The following SEC24A variants were observed in gnomAD, a reference collection of about 807,000 sequenced individuals.
SEC24A encodes the protein protein transport protein Sec24A.
In SEC24A, 93 loss-of-function variants were observed where a neutral mutation model predicts 129.4. That is an observed-to-expected ratio of 0.72 (90% CI 0.61 to 0.85). The LOEUF (loss-of-function observed/expected upper bound fraction) is 0.85. Among genes scored for constraint, SEC24A ranks in the 40% least tolerant of loss-of-function variants. The pLI is 0.00. For missense variants in SEC24A, 1,264 were observed against 1,307.4 expected (o/e 0.97, Z 0.51); for synonymous variants, 460 against 467.3 (o/e 0.98, Z 0.20).
At chr5:134,690,497 T>C (rs986635120) in intron 11 of SEC24A, among the ~76,000 whole-genome samples, 5 of 152,194 alleles carry the variant, frequency 3.3e-5, no homozygotes, top group Non-Finnish European at 7.3e-5. Context: ...AAATTTCTTG[T>C]AGAGGCAAGG....
intron 13 of SEC24A, among the ~76,000 whole-genome samples, chr5:134,695,221 A>T (rs1455156265): frequency 6.6e-6 from 1 of 151,986 alleles, no homozygotes; most frequent in Non-Finnish European, 1.5e-5. Flanking sequence ...ATACAAAAAA[A>T]ATTAGCCAGG....
At position 134,719,761 on chromosome 5, in the gene SEC24A, G is replaced by A. The variant is rs1018069941; in HGVS notation, c.2971-1237G>A. Among the ~76,000 whole-genome samples, 5 of 152,154 alleles carry A rather than the reference G, an allele frequency of 3.3e-5. No individual in the cohort carries two copies. The South Asian group carries it at 6.2e-4, about 19-fold the overall frequency. ...AGCACTTAGAGATGCCAAGGCGGGC[G>A]GATCACCTTAGGTCGGGAGTTCAAG... On this transcript the variant is annotated intron_variant, in intron 20 of 22. Transcript: ENST00000398844.
chr5:134,669,521 G>A (rs1310366750), intron 3 of SEC24A, among the ~76,000 whole-genome samples: 1 of 151,726 alleles, frequency 6.6e-6, no homozygotes, highest in Non-Finnish European at 1.5e-5. Flanking sequence ...CTGTCTGCCA[G>A]GCTGGAGTGC....
chr5:134,686,208 T>C (rs1475942042), intron 9 of SEC24A, among the ~76,000 whole-genome samples: 2 of 151,974 alleles, frequency 1.3e-5, no homozygotes, highest in Non-Finnish European at 2.9e-5. Context: ...AGCCAAGCAG[T>C]TGAACCTTGC....
chr5:134,727,558 C>A lies in SEC24A; in HGVS notation c.*2464C>A, dbSNP rs958873894. On this transcript the variant is annotated 3_prime_UTR_variant, in exon 23 of 23. Transcript: ENST00000398844. ...GATTTATTTCTTCTAATCAAAGATG[C>A]ATAACAGCTATTATCTAGGGGACCA... is the stretch of plus-strand genomic sequence containing the variant. 2.6e-5 allele frequency: 4 copies of A among 152,420 alleles called. No homozygotes were observed. Among genetic ancestry groups the A allele is most frequent in the Non-Finnish European group, 5.9e-5 (4 of 67,974 alleles). 9.4% of individuals were successfully genotyped at this position (152,420 alleles called of 1,614,324 possible).
chr5:134,710,212 C>CTT (rs77965512), intron 18 of SEC24A, among the ~76,000 whole-genome samples: 2 of 142,276 alleles, frequency 1.4e-5, no homozygotes, highest in Admixed American at 7.1e-5. Context: ...TAATCTTCTT[C>CTT]TTTTTTTTTT....
Position 134,692,695 on chromosome 5 carries a change from A to G in SEC24A, c.1779+38A>G. The G allele has an allele frequency of 4.5e-6, 5 of 1,117,468 alleles. No homozygotes were observed. In the South Asian group the frequency reaches 6.5e-5, roughly 15 times the overall value. The allele number at this position is 1,117,468 out of a possible 1,614,324, so 69.2% of individuals were successfully genotyped here. The stretch of plus-strand genomic sequence containing the variant: ...TTCCTACCTGACATGTTTAATTGAA[A>G]TATTGAAGGAATATGTTTTTGAAAT... On this transcript the variant is annotated intron_variant, in intron 12 of 22. Transcript: ENST00000398844.
chr5:134,684,774 A>T (rs1262998809), intron 9 of SEC24A, among the ~76,000 whole-genome samples: 2 of 152,200 alleles, frequency 1.3e-5, no homozygotes, highest in Non-Finnish European at 2.9e-5. Context: ...ATAGCCATCT[A>T]CAGAGTAGAT....
chr5:134,690,664 G>GATT (rs1176605834), intron 11 of SEC24A, among the ~76,000 whole-genome samples: 2 of 152,162 alleles, frequency 1.3e-5, no homozygotes. Context: ...TCTAGAAAGT[G>GATT]ATTATCCTTG....
chr5:134,665,578 C>T lies in SEC24A; in HGVS notation c.566-1245C>T, dbSNP rs545245653. Among the ~76,000 whole-genome samples the T allele has an allele frequency of 2.0e-5, 3 of 151,998 alleles. No homozygotes were observed. In the East Asian group the frequency reaches 5.8e-4, roughly 29 times the overall value. The stretch of plus-strand genomic sequence containing the variant: ...ATTTATTTATTTATTTATTTTGAGA[C>T]AGAGTCTCGCTCTTGTTGCCCAGGC... On this transcript the variant is annotated intron_variant, in intron 2 of 22. Coordinates refer to ENST00000398844, the MANE Select transcript of SEC24A (RefSeq NM_021982.3).
intron 19 of SEC24A, among the ~76,000 whole-genome samples, chr5:134,717,126 G>A (rs966809259): frequency 2.0e-5 from 3 of 151,424 alleles, no homozygotes; most frequent in Non-Finnish European, 2.9e-5. Flanking sequence ...TGATCCACCC[G>A]CCTCAGCCTC....
chr5:134,687,155 A>T (rs1751482242), intron 10 of SEC24A, among the ~76,000 whole-genome samples: 1 of 152,128 alleles, frequency 6.6e-6, no homozygotes, highest in Admixed American at 6.6e-5. Flanking sequence ...ATTTTTGCTT[A>T]ATCTCATCCT....
intron 12 of SEC24A, 124 bp downstream of exon 12, chr5:134,692,781 T>C (rs1298909803): frequency 2.7e-6 from 2 of 749,080 alleles, no homozygotes; most frequent in African/African-American, 3.5e-5. Context: ...GCATTTTATA[T>C]TTGCTCTTAT....
intron 1 of SEC24A, among the ~76,000 whole-genome samples, chr5:134,656,943 G>A (rs2150068968): frequency 6.6e-6 from 1 of 151,754 alleles, no homozygotes; most frequent in Middle Eastern, 3.4e-3. Flanking sequence ...TTAGTACTTT[G>A]GGAGGTCGAG....
At chr5:134,680,260 G>C (rs1751219595) in intron 8 of SEC24A, among the ~76,000 whole-genome samples, 1 of 152,218 alleles carries the variant, frequency 6.6e-6, no homozygotes, top group South Asian at 2.1e-4. Context: ...TAGTATTAGA[G>C]AAGGAAGTGG....
chr5:134,705,283 T>G (rs750701908), intron 16 of SEC24A, 44 bp from the exon 17 acceptor site: 1 of 1,432,430 alleles, frequency 7.0e-7, no homozygotes, highest in Non-Finnish European at 9.8e-7. Flanking sequence ...ATCTTTTGTT[T>G]TATATAGTTG....
chr5:134,723,455 T>C, intron 21 of SEC24A, 112 bp from the exon 22 acceptor site: 1 of 644,848 alleles, frequency 1.6e-6, no homozygotes, highest in Non-Finnish European at 2.6e-6. Flanking sequence ...AGAGGCCTTG[T>C]CTCAAAAAAG....
At chr5:134,677,756 G>A (rs1436260943) in intron 7 of SEC24A, among the ~76,000 whole-genome samples, 1 of 151,176 alleles carries the variant, frequency 6.6e-6, no homozygotes, top group Non-Finnish European at 1.5e-5. Flanking sequence ...GGAATCGCTT[G>A]AACCCGGGAG....
intron 1 of SEC24A, among the ~76,000 whole-genome samples, chr5:134,659,945 G>A (rs1750391586): frequency 6.6e-6 from 1 of 152,020 alleles, no homozygotes; most frequent in Non-Finnish European, 1.5e-5. Context: ...GAGGCACCAT[G>A]CCCAGCATGT....
Sources: allele counts gnomAD v4.1 joint callset (sites outside exome capture counted in the v4.1 genomes callset), GRCh38; gene constraint gnomAD v4.1.1; transcripts MANE v1.5; gene names NCBI Gene and HGNC (gene_info 2026-07-23, HGNC 2026-07-21).